MEI4: variants seen among roughly 807,000 people sequenced by gnomAD.
The protein encoded by MEI4 is meiotic double-stranded break formation protein 4.
Under a neutral mutation model 31.4 loss-of-function variants are expected in MEI4, and 27 were observed. That is an observed-to-expected ratio of 0.86 (90% CI 0.63 to 1.19). The LOEUF is 1.19. Ranked by LOEUF, MEI4 falls within the 50% of genes most tolerant of loss-of-function variation. The pLI is 0.00. For synonymous variants in MEI4, 122 were observed against 145.4 expected, an observed-to-expected ratio of 0.84 and a Z score of 1.16; for missense variants, 329 against 398.9, an observed-to-expected ratio of 0.82 and a Z score of 1.49.
At chr6:77,876,081 A>C (rs77391418) in intron 4 of MEI4, among the ~76,000 whole-genome samples, 2,660 of 152,286 alleles carry the variant, frequency 0.017, 81 homozygotes, top group African/African-American at 0.06. Flanking sequence ...TGAGAACCTC[A>C]GCTCTATCAT....
At chr6:77,659,258 C>T (rs62418193) in intron 1 of MEI4, among the ~76,000 whole-genome samples, 47,854 of 151,234 alleles carry the variant, frequency 0.32, 7,910 homozygotes, top group Non-Finnish European at 0.37. Flanking sequence ...GGGAGCTCTT[C>T]GGTCCCATTT....
chr6:77,690,104 A>T (rs1010035414), intron 1 of MEI4, among the ~76,000 whole-genome samples: 1 of 152,036 alleles, frequency 6.6e-6, no homozygotes, highest in East Asian at 1.9e-4. Flanking sequence ...TATTTAAAAG[A>T]TTGTTCTCCA....
At chr6:77,704,465 A>G (rs1202163704) in intron 2 of MEI4, among the ~76,000 whole-genome samples, 2 of 152,204 alleles carry the variant, frequency 1.3e-5, no homozygotes, top group Admixed American at 6.5e-5. Flanking sequence ...TGGGGTTCCT[A>G]TAGAATTCTA....
intron 2 of MEI4, among the ~76,000 whole-genome samples, chr6:77,743,469 T>C (rs945138377): frequency 1.9e-4 from 29 of 152,232 alleles, no homozygotes; most frequent in African/African-American, 7.0e-4. Context: ...GTACATTGAT[T>C]TTGTATCCTG....
chr6:77,730,495 T>A (rs1213801768), intron 2 of MEI4, among the ~76,000 whole-genome samples: 1 of 152,058 alleles, frequency 6.6e-6, no homozygotes. Context: ...AGAGAGATGG[T>A]TTCCTCTTAT....
At chr6:77,665,163 T>C (rs1768598944) in intron 1 of MEI4, among the ~76,000 whole-genome samples, 1 of 147,982 alleles carries the variant, frequency 6.8e-6, no homozygotes, top group Admixed American at 6.7e-5. Flanking sequence ...GGTGCAGAAA[T>C]AAGGAGTCGA....
At chr6:77,674,058 G>T (rs1383345316) in intron 1 of MEI4, among the ~76,000 whole-genome samples, 1 of 152,192 alleles carries the variant, frequency 6.6e-6, no homozygotes, top group East Asian at 1.9e-4. Context: ...GTTTCAGGTA[G>T]AACTGAAATG....
At chr6:77,791,334 T>C (rs1768923847) in intron 3 of MEI4, among the ~76,000 whole-genome samples, 1 of 151,918 alleles carries the variant, frequency 6.6e-6, no homozygotes, top group Admixed American at 6.6e-5. Flanking sequence ...ATATACACCA[T>C]GGAATACTAC....
intron 2 of MEI4, among the ~76,000 whole-genome samples, chr6:77,701,682 A>G (rs1766226907): frequency 6.6e-6 from 1 of 152,046 alleles, no homozygotes; most frequent in Non-Finnish European, 1.5e-5. Context: ...AGGATGAGCA[A>G]TTGGTTATAG....
At chr6:77,731,806 T>C (rs1169607710) in intron 2 of MEI4, among the ~76,000 whole-genome samples, 1 of 152,050 alleles carries the variant, frequency 6.6e-6, no homozygotes, top group East Asian at 1.9e-4. Flanking sequence ...AATTTTTGTA[T>C]AAGGTGTAAG....
chr6:77,753,916 C>T (rs1446884344), intron 2 of MEI4, among the ~76,000 whole-genome samples: 2 of 152,120 alleles, frequency 1.3e-5, no homozygotes, highest in Admixed American at 6.5e-5. Context: ...GAATACTGTG[C>T]AGCCATGAAA....
At chr6:77,737,137 C>T (rs1192101587) in intron 2 of MEI4, among the ~76,000 whole-genome samples, 1 of 152,120 alleles carries the variant, frequency 6.6e-6, no homozygotes, top group Non-Finnish European at 1.5e-5. Flanking sequence ...TAAGGATTTT[C>T]CAACAGGAAA....
At chr6:77,846,602 A>G (rs1770492999) in intron 4 of MEI4, among the ~76,000 whole-genome samples, 1 of 152,148 alleles carries the variant, frequency 6.6e-6, no homozygotes, top group African/African-American at 2.4e-5. Context: ...GGAACTTAAT[A>G]AAATTTATCT....
intron 2 of MEI4, among the ~76,000 whole-genome samples, chr6:77,708,118 G>C (rs1389445874): frequency 1.3e-5 from 2 of 152,188 alleles, no homozygotes; most frequent in South Asian, 2.1e-4. Context: ...GAGAATGTTA[G>C]AGCCATTGGC....
chr6:77,689,315 T>A (rs567608001), intron 1 of MEI4, among the ~76,000 whole-genome samples: 2 of 152,244 alleles, frequency 1.3e-5, no homozygotes, highest in East Asian at 3.9e-4. Context: ...AATATTCATT[T>A]GTATAGTCAT....
chr6:77,903,991 A>G (rs910829633), intron 4 of MEI4, among the ~76,000 whole-genome samples: 32 of 152,058 alleles, frequency 2.1e-4, no homozygotes, highest in African/African-American at 7.7e-4. Flanking sequence ...TGGCTAATAT[A>G]TTTTTTATCC....
intron 1 of MEI4, among the ~76,000 whole-genome samples, chr6:77,655,771 G>A (rs1331971653): frequency 6.6e-6 from 1 of 152,056 alleles, no homozygotes; most frequent in Non-Finnish European, 1.5e-5. Flanking sequence ...AATGACAGAC[G>A]TCAGTAGACT....
chr6:77,842,646 C>T (rs539272960), intron 4 of MEI4, among the ~76,000 whole-genome samples: 2 of 152,110 alleles, frequency 1.3e-5, no homozygotes, highest in African/African-American at 4.8e-5. Context: ...TAATTTGTAT[C>T]TTTCCCTTCT....
intron 3 of MEI4, among the ~76,000 whole-genome samples, chr6:77,790,020 G>A (rs1239495222): frequency 6.6e-6 from 1 of 151,978 alleles, no homozygotes; most frequent in Non-Finnish European, 1.5e-5. Flanking sequence ...GTCCAACAAT[G>A]ATAGACTGGA....
Sources: gnomAD v4.1 joint callset for allele counts (sites outside exome capture counted in the v4.1 genomes callset) on GRCh38, gnomAD v4.1.1 for gene constraint, MANE v1.5 for transcripts, NCBI Gene and HGNC (gene_info 2026-07-23, HGNC 2026-07-21) for gene names.